Variants in ST3GAL4 observed in about 807,000 individuals in gnomAD.
ST3GAL4 encodes ST3 beta-galactoside alpha-2,3-sialyltransferase 4.
Under a neutral mutation model 42.6 loss-of-function variants are expected in ST3GAL4, and 24 were observed. That is an observed-to-expected ratio of 0.56 (90% CI 0.41 to 0.79). The LOEUF (loss-of-function observed/expected upper bound fraction) is 0.79. Ranked by LOEUF, ST3GAL4 falls within the 30% of genes least tolerant of loss-of-function variation. The pLI is 0.00. For synonymous variants in ST3GAL4, 135 were observed against 163.2 expected (o/e 0.83, Z 1.32); for missense variants, 311 against 430.8 (o/e 0.72, Z 2.46).
intron 1 of ST3GAL4, among the ~76,000 whole-genome samples, chr11:126,370,482 G>T (rs1398457214): frequency 6.6e-6 from 1 of 152,148 alleles, no homozygotes; most frequent in East Asian, 1.9e-4. Context: ...GGGTAGACTT[G>T]CATGAGTATG....
At chr11:126,413,850 G>T (rs1346264727) in intron 10 of ST3GAL4, 111 bp from the exon 11 acceptor site, 10 of 1,436,274 alleles carry the variant, frequency 7.0e-6, no homozygotes, top group Non-Finnish European at 8.7e-6. Context: ...GCCAGCCTGG[G>T]GAAGGGAGCT....
Position 126,407,308 on chromosome 11 carries a change from C to A in ST3GAL4, c.239C>A (p.Thr80Lys). 6.2e-7 allele frequency: 1 copy of A among 1,614,200 alleles called. No homozygotes were observed. The highest frequency in any genetic ancestry group is 8.5e-7 in the Non-Finnish European group (1 of 1,180,030). ...CTTGAGGATTATTTCTGGGTCAAGA[C>A]GCCATCTGCTTACGAGCTGCCCTAT... ...LRLEDYFWVKTPSAYELPYGT... is the reference protein window; with the variant it reads ...LRLEDYFWVKKPSAYELPYGT... The change falls in exon 5 of 11, where the codon ACG becomes AAG. Residue 80 changes from threonine to lysine, a missense_variant. Thr to Lys is a moderately conservative substitution (Grantham distance 78). Coordinates refer to ENST00000444328, the MANE Select transcript of ST3GAL4 (RefSeq NM_001254757.2).
intron 1 of ST3GAL4, among the ~76,000 whole-genome samples, chr11:126,382,816 A>T (rs1953059602): frequency 6.6e-6 from 1 of 152,186 alleles, no homozygotes; most frequent in Non-Finnish European, 1.5e-5. Flanking sequence ...GACAGGCGGG[A>T]ATCTGTCCCT....
chr11:126,400,362 A>T lies in ST3GAL4; in HGVS notation c.-60-5734A>T, dbSNP rs1953949541. On this transcript the variant is annotated intron_variant, in intron 1 of 10. Transcript: ENST00000444328. The surrounding 1 kb of genome is among the most constrained non-coding windows in gnomAD (Gnocchi z 4.6). ...CCATCCATGAGAGCAGAGCCCCATGATCTAAACACCTTTTATTAGGCCCTG... is the reference window on the plus strand; with the variant it reads ...CCATCCATGAGAGCAGAGCCCCATGTTCTAAACACCTTTTATTAGGCCCTG... Among the ~76,000 whole-genome samples, 7 of 152,198 alleles carry T rather than the reference A, an allele frequency of 4.6e-5. No homozygotes were observed. The highest frequency in any genetic ancestry group is 4.6e-4 in the Admixed American group (7 of 15,276).
At chr11:126,413,673 G>C in intron 10 of ST3GAL4, 25 bp downstream of exon 10, 1 of 1,612,584 alleles carries the variant, frequency 6.2e-7, no homozygotes, top group Non-Finnish European at 8.5e-7. Flanking sequence ...TGTGAGCATG[G>C]TGGGCCAGGG....
At chr11:126,357,398 C>G (rs1034339018) in intron 1 of ST3GAL4, among the ~76,000 whole-genome samples, 3 of 152,160 alleles carry the variant, frequency 2.0e-5, no homozygotes, top group Admixed American at 6.5e-5. Flanking sequence ...TTGGAAATTG[C>G]CAGCTTGGAC....
chr11:126,401,071 C>T (rs1358155324), intron 1 of ST3GAL4, among the ~76,000 whole-genome samples: 1 of 151,938 alleles, frequency 6.6e-6, no homozygotes, highest in Non-Finnish European at 1.5e-5. Context: ...ACATCTTCTT[C>T]CATTTGAGGA....
Position 126,359,741 on chromosome 11 carries a change from C to T in ST3GAL4, c.-61+3899C>T, listed in dbSNP as rs571551319. Among the ~76,000 whole-genome samples, 15 of 152,186 alleles carry T rather than the reference C, an allele frequency of 9.9e-5. No individual in the cohort carries two copies. The highest frequency in any genetic ancestry group is 7.9e-4 in the Admixed American group (12 of 15,284). ...AAGGTTCTTCTCCCTCCCTCCTTCC[C>T]TCCTTCCCTCCTTCCCTCCTTCCCC... On this transcript the variant is annotated intron_variant, in intron 1 of 10. Transcript: ENST00000444328. This position sits in a 1 kb window ranked among gnomAD's most constrained non-coding sequence, Gnocchi z 4.8.
intron 9 of ST3GAL4, 75 bp from the exon 10 acceptor site, chr11:126,413,430 A>G: frequency 3.2e-6 from 5 of 1,558,444 alleles, no homozygotes; most frequent in Non-Finnish European, 4.3e-6. Flanking sequence ...AGGAAGTTCC[A>G]CTGCAGAGCG....
chr11:126,365,777 C>CAG (rs1952401745), intron 1 of ST3GAL4, among the ~76,000 whole-genome samples: 1 of 152,186 alleles, frequency 6.6e-6, no homozygotes, highest in South Asian at 2.1e-4. Flanking sequence ...GCTGAGAGGA[C>CAG]AGTCCCTGTC....
chr11:126,361,029 C>T (rs550481288), intron 1 of ST3GAL4, among the ~76,000 whole-genome samples: 1 of 152,310 alleles, frequency 6.6e-6, no homozygotes, highest in East Asian at 1.9e-4. Flanking sequence ...AGGAGCTTGT[C>T]CCCTGAGGAG....
In ST3GAL4 at chr11:126,411,611, G is replaced by A. The variant is rs1473339376; in HGVS notation, c.772-1894G>A. ...TCAACCAGACAGTTCTCATCTGGAA[G>A]CTTGGGGGAAAATTTTGCTTCCAGG... On this transcript the variant is annotated intron_variant, in intron 9 of 10. Coordinates refer to ENST00000444328, the MANE Select transcript of ST3GAL4 (RefSeq NM_001254757.2). The surrounding 1 kb of genome is among the most constrained non-coding windows in gnomAD (Gnocchi z 6.3). Among the ~76,000 whole-genome samples, 1 of 152,180 alleles carries A rather than the reference G, an allele frequency of 6.6e-6. No individual in the cohort carries two copies. The highest frequency in any genetic ancestry group is 1.9e-4 in the East Asian group (1 of 5,190).
rs111958228 is a variant in ST3GAL4 at position 126,391,936 on chromosome 11, CGTGTGTGTGT to C, written c.-60-14133_-60-14124del. 1.6e-3 allele frequency among the ~76,000 whole-genome samples: 237 copies of C among 144,482 alleles called. 1 individual carries two copies. The highest frequency in any genetic ancestry group is 5.7e-3 in the African/African-American group (219 of 38,220). The allele number at this position is 144,482 out of a possible 152,430, so 94.8% of individuals were successfully genotyped here. On this transcript the variant is annotated intron_variant, in intron 1 of 10. Coordinates refer to ENST00000444328, the MANE Select transcript of ST3GAL4 (RefSeq NM_001254757.2). The surrounding 1 kb of genome is among the most constrained non-coding windows in gnomAD (Gnocchi z 5.5). Reference sequence around the variant, plus strand: ...CTCAGAACACCTGTGATAACTTGGTCGTGTGTGTGTGTGTGTGTGTGTGTGTGTGTGTGTG... The same window carrying C: ...CTCAGAACACCTGTGATAACTTGGTCGTGTGTGTGTGTGTGTGTGTGTGTG...
At chr11:126,377,563 C>A (rs1952868840) in intron 1 of ST3GAL4, among the ~76,000 whole-genome samples, 1 of 149,806 alleles carries the variant, frequency 6.7e-6, no homozygotes, top group South Asian at 2.1e-4. Context: ...TGGCTCACTG[C>A]AGCCTCTACC....
chr11:126,412,434 G>A (rs950383748), intron 9 of ST3GAL4, among the ~76,000 whole-genome samples: 5 of 152,202 alleles, frequency 3.3e-5, no homozygotes, highest in African/African-American at 9.7e-5. Context: ...GGAGGAAGGC[G>A]GGGCTGGAGA....
intron 1 of ST3GAL4, among the ~76,000 whole-genome samples, chr11:126,367,921 G>T (rs1952494383): frequency 1.3e-5 from 2 of 152,156 alleles, no homozygotes; most frequent in South Asian, 4.1e-4. Context: ...GCCAAGGCAG[G>T]TGGATCACTT....
chr11:126,406,223 G>A lies in ST3GAL4; in HGVS notation c.16+52G>A, dbSNP rs371604660. 1.5e-5 allele frequency: 24 copies of A among 1,552,818 alleles called. No homozygotes were observed. The African/African-American group carries it at 1.8e-4, about 12-fold the overall frequency. On this transcript the variant is annotated intron_variant, in intron 2 of 10. Coordinates refer to ENST00000444328, the MANE Select transcript of ST3GAL4 (RefSeq NM_001254757.2). This position sits in a 1 kb window ranked among gnomAD's most constrained non-coding sequence, Gnocchi z 5.4. ...CCCTGGAGGACAGGCCTCAGAAGCC[G>A]TCTTCAGCAGGATCCTGGGACCTCT...
chr11:126,408,731 C>T, intron 8 of ST3GAL4: 2 of 575,216 alleles, frequency 3.5e-6, no homozygotes, highest in South Asian at 4.5e-5. Context: ...CAGCCACAGG[C>T]ACCCATGCTC....
Position 126,409,375 on chromosome 11 carries a change from G to A in ST3GAL4, c.735G>A (p.Leu245=), listed in dbSNP as rs1565427680. The change falls in exon 9 of 11, where the codon CTG becomes CTA. Residue 245 remains leucine (L), a synonymous_variant. Transcript: ENST00000444328. This position sits in a 1 kb window ranked among gnomAD's most constrained non-coding sequence, Gnocchi z 4.9. ...TGGAGATTGCAGCTGACAAACTGCT[G>A]AGCCTGCCAATGCAACAGCCACGGA... is the stretch of plus-strand genomic sequence containing the variant. ...FFMEIAADKL[L]SLPMQQPRKI... 5 of 1,614,190 alleles carry A rather than the reference G, an allele frequency of 3.1e-6. No homozygotes were observed. Among genetic ancestry groups the A allele is most frequent in the Non-Finnish European group, 4.2e-6 (5 of 1,180,032 alleles).
Sources: allele counts gnomAD v4.1 joint callset (sites outside exome capture counted in the v4.1 genomes callset), GRCh38; gene constraint gnomAD v4.1.1; non-coding constraint Gnocchi (gnomAD v3.1); transcripts MANE v1.5; gene names NCBI Gene and HGNC (gene_info 2026-07-23, HGNC 2026-07-21).